Variants in TUT7 observed in about 807,000 individuals in gnomAD.
TUT7 encodes terminal uridylyl transferase 7.
In TUT7, 33 loss-of-function variants were observed where a neutral mutation model predicts 165.9. That is an observed-to-expected ratio of 0.20 (90% CI 0.15 to 0.27). TUT7 has a LOEUF of 0.27. TUT7 is among the 10% of genes least tolerant of loss of function. TUT7 has a pLI of 1.00. For missense variants in TUT7, 1,338 were observed against 1,762.3 expected, an observed-to-expected ratio of 0.76 and a Z score of 4.31; for synonymous variants, 552 against 608.1, an observed-to-expected ratio of 0.91 and a Z score of 1.36.
intron 26 of TUT7, among the ~76,000 whole-genome samples, chr9:86,297,915 G>A (rs1826488013): frequency 3.0e-5 from 1 of 33,168 alleles, no homozygotes; most frequent in African/African-American, 2.5e-4. Context: ...CCTTCTGCCT[G>A]CTCCACTTTT....
At chr9:86,326,401 A>T (rs1829801188) in intron 11 of TUT7, 1 of 154,898 alleles carries the variant, frequency 6.5e-6, no homozygotes, top group Non-Finnish European at 1.5e-5. Flanking sequence ...ACTGAGTGAG[A>T]TAGTGTCTGT....
intron 26 of TUT7, among the ~76,000 whole-genome samples, chr9:86,294,719 A>T (rs1439701048): frequency 6.6e-6 from 1 of 151,156 alleles, no homozygotes; most frequent in African/African-American, 2.4e-5. Flanking sequence ...CATAAAAAGT[A>T]ATTATTATTA....
chr9:86,308,361 G>A, intron 22 of TUT7, 68 bp downstream of exon 22: 2 of 1,416,050 alleles, frequency 1.4e-6, no homozygotes, highest in Non-Finnish European at 9.6e-7. Context: ...TCTGCAAGGA[G>A]GAAGAACAAT....
chr9:86,290,178 A>C (rs554401811), intron 26 of TUT7, among the ~76,000 whole-genome samples: 39 of 152,330 alleles, frequency 2.6e-4, no homozygotes, highest in African/African-American at 8.2e-4. Flanking sequence ...ATAAATGTTA[A>C]CTATTATTGT....
At chr9:86,353,685 A>G (rs1353782699) in intron 1 of TUT7, among the ~76,000 whole-genome samples, 3 of 152,200 alleles carry the variant, frequency 2.0e-5, no homozygotes, top group Non-Finnish European at 1.5e-5. Context: ...TTTACGTGAA[A>G]GGAGTACTAC....
intron 17 of TUT7, among the ~76,000 whole-genome samples, chr9:86,313,620 T>C (rs569461606): frequency 2.6e-5 from 4 of 152,164 alleles, no homozygotes; most frequent in Non-Finnish European, 5.9e-5. Context: ...CTAGGTAAGA[T>C]TGACTCCCAA....
intron 2 of TUT7, among the ~76,000 whole-genome samples, chr9:86,351,048 C>T (rs573190916): frequency 2.4e-4 from 36 of 151,560 alleles, no homozygotes; most frequent in African/African-American, 7.5e-4. Flanking sequence ...ACATGAGAAC[C>T]GCTTGATCCT....
chr9:86,350,738 A>G (rs1191160754), intron 2 of TUT7, among the ~76,000 whole-genome samples: 3 of 152,252 alleles, frequency 2.0e-5, no homozygotes, highest in African/African-American at 7.2e-5. Flanking sequence ...TTCTAGCTTA[A>G]AGATTTAAGT....
At position 86,347,650 on chromosome 9, in the gene TUT7, C is replaced by A. The variant is rs182478551; in HGVS notation, c.521-1170G>T. Among the ~76,000 whole-genome samples, 4 of 151,954 alleles carry A rather than the reference C, an allele frequency of 2.6e-5. No homozygotes were observed. The East Asian group carries it at 7.7e-4, about 29-fold the overall frequency. The stretch of plus-strand genomic sequence containing the variant: ...TGACTATCTCAAAATTCTGCAAACA[C>A]CTTCCACAATATAAGAAAATTAAAA... On this transcript the variant is annotated intron_variant, in intron 2 of 26. Transcript: ENST00000375963.
intron 26 of TUT7, among the ~76,000 whole-genome samples, chr9:86,297,142 G>C (rs528056625): frequency 3.9e-5 from 6 of 152,258 alleles, no homozygotes; most frequent in African/African-American, 1.4e-4. Context: ...GCTATTTCTA[G>C]GTGTATGCCT....
chr9:86,330,794 T>C (rs1830245932), intron 10 of TUT7, among the ~76,000 whole-genome samples: 1 of 152,134 alleles, frequency 6.6e-6, no homozygotes, highest in African/African-American at 2.4e-5. Flanking sequence ...TCTTTTTGAA[T>C]TTAAGCATTT....
intron 10 of TUT7, among the ~76,000 whole-genome samples, chr9:86,328,698 T>C (rs1830030273): frequency 6.6e-6 from 1 of 152,226 alleles, no homozygotes; most frequent in Admixed American, 6.5e-5. Flanking sequence ...AATGGTGACT[T>C]TGTGAAATAA....
chr9:86,305,596 A>AAT (rs1827391437), intron 22 of TUT7, among the ~76,000 whole-genome samples: 1 of 152,212 alleles, frequency 6.6e-6, no homozygotes, highest in African/African-American at 2.4e-5. Flanking sequence ...CAGAAGACAC[A>AAT]TTAGCCTGAT....
chr9:86,354,127 C>T (rs993061314), intron 1 of TUT7, 144 bp downstream of exon 1: 3 of 152,356 alleles, frequency 2.0e-5, no homozygotes, highest in African/African-American at 7.2e-5. Flanking sequence ...AATGTCTTGA[C>T]CCAAATCCCG....
intron 10 of TUT7, chr9:86,336,766 G>A (rs1161653054): frequency 6.6e-6 from 1 of 152,142 alleles, no homozygotes; most frequent in East Asian, 1.9e-4. Flanking sequence ...TTTCTAAGAG[G>A]ATGAGCTAAT....
rs7028494 is a variant in TUT7, at chr9:86,311,462, G to A, written c.3275-653C>T. Among the ~76,000 whole-genome samples, 56,669 of 152,000 alleles carry A rather than the reference G, an allele frequency of 0.37. 11,534 individuals are homozygous for A. The highest frequency in any genetic ancestry group is 0.59 in the Middle Eastern group (173 of 294). ...GTTCCAGAGAATTGCATAGGTTGCC[G>A]AATGAACTTGAGGGAATGGAATATG... On this transcript the variant is annotated intron_variant, in intron 17 of 26. Coordinates refer to ENST00000375963, the MANE Select transcript of TUT7 (RefSeq NM_024617.4). The surrounding 1 kb of genome is among the most constrained non-coding windows in gnomAD (Gnocchi z 4.4).
chr9:86,298,385 G>A (rs1239074030), intron 26 of TUT7, among the ~76,000 whole-genome samples: 2 of 152,208 alleles, frequency 1.3e-5, no homozygotes, highest in East Asian at 3.9e-4. Flanking sequence ...TAACAGTGGA[G>A]TTCAGGCTAG....
chr9:86,348,246 G>A (rs1378265202), intron 2 of TUT7, among the ~76,000 whole-genome samples: 1 of 152,198 alleles, frequency 6.6e-6, no homozygotes, highest in Non-Finnish European at 1.5e-5. Flanking sequence ...GATGGCTGCA[G>A]AAATTCTGTC....
chr9:86,325,680 G>A (rs1400722272), intron 11 of TUT7, among the ~76,000 whole-genome samples, 166 bp from the exon 12 acceptor site: 2 of 152,116 alleles, frequency 1.3e-5, no homozygotes, highest in African/African-American at 4.8e-5. Context: ...TTTTGTTTGT[G>A]GTAAAACAGC....
Sources: allele counts gnomAD v4.1 joint callset (sites outside exome capture counted in the v4.1 genomes callset), GRCh38; gene constraint gnomAD v4.1.1; non-coding constraint Gnocchi (gnomAD v3.1); transcripts MANE v1.5; gene names NCBI Gene and HGNC (gene_info 2026-07-23, HGNC 2026-07-21).